The following ENTREP2 variants were observed in gnomAD, a reference collection of about 807,000 sequenced individuals.
ENTREP2 encodes protein ENTREP2.
the ENTREP2 span, among the ~76,000 whole-genome samples, chr15:29,657,445 A>T: frequency 8.9e-6 from 1 of 112,586 alleles, no homozygotes; most frequent in Non-Finnish European, 1.7e-5. Context: ...ACCACACAGA[A>T]GTGGACCCCT....
At chr15:29,205,994 C>G in the ENTREP2 span, among the ~76,000 whole-genome samples, 1 of 152,222 alleles carries the variant, frequency 6.6e-6, no homozygotes, top group East Asian at 1.9e-4. Context: ...ATGCCACTGT[C>G]CTGCAGCATC....
chr15:29,216,262 ATTGTT>A, the ENTREP2 span, among the ~76,000 whole-genome samples: 1 of 152,048 alleles, frequency 6.6e-6, no homozygotes, highest in Non-Finnish European at 1.5e-5. Context: ...TTGGCTGATA[ATTGTT>A]TTGTTTCAAG....
the ENTREP2 span, among the ~76,000 whole-genome samples, chr15:29,583,087 G>A: frequency 3.4e-4 from 52 of 152,136 alleles, no homozygotes; most frequent in Non-Finnish European, 6.9e-4. Flanking sequence ...TATTTTGGGG[G>A]ATCACGGCAA....
chr15:29,347,859 C>T, the ENTREP2 span, among the ~76,000 whole-genome samples: 4 of 152,170 alleles, frequency 2.6e-5, no homozygotes, highest in South Asian at 2.1e-4. Context: ...ACGGTATCTG[C>T]GAGGCAGAGG....
the ENTREP2 span, among the ~76,000 whole-genome samples, chr15:29,353,606 C>A: frequency 2.0e-5 from 3 of 152,164 alleles, no homozygotes; most frequent in African/African-American, 7.2e-5. Flanking sequence ...GACACAGTAG[C>A]TCATTTAGTC....
At chr15:29,133,930 CCTT>C in the ENTREP2 span, among the ~76,000 whole-genome samples, 4 of 152,070 alleles carry the variant, frequency 2.6e-5, no homozygotes, top group African/African-American at 7.2e-5. Flanking sequence ...CTGTGCCTGT[CCTT>C]CTTCCCTCTG....
chr15:29,487,600 C>T, the ENTREP2 span, among the ~76,000 whole-genome samples: 1 of 152,238 alleles, frequency 6.6e-6, no homozygotes, highest in Non-Finnish European at 1.5e-5. Flanking sequence ...TCTTGCAAAA[C>T]TCTACAGTCT....
At chr15:29,598,122 CA>C in the ENTREP2 span, among the ~76,000 whole-genome samples, 95,488 of 149,988 alleles carry the variant, frequency 0.64, 30,869 homozygotes, top group Non-Finnish European at 0.71. Flanking sequence ...ACCCCTGTCT[CA>C]AAAAAAAAAG....
chr15:29,134,759 C>T, the ENTREP2 span, among the ~76,000 whole-genome samples: 282 of 152,302 alleles, frequency 1.9e-3, 1 homozygote, highest in Non-Finnish European at 3.0e-3. Context: ...TCAGGGTCAG[C>T]GCTGCCTTGG....
the ENTREP2 span, among the ~76,000 whole-genome samples, chr15:29,160,809 C>T: frequency 2.0e-5 from 3 of 150,892 alleles, no homozygotes; most frequent in African/African-American, 7.3e-5. Flanking sequence ...CTAGTTCATT[C>T]AGTAGTTTTT....
At chr15:29,256,076 A>G in the ENTREP2 span, among the ~76,000 whole-genome samples, 2 of 152,046 alleles carry the variant, frequency 1.3e-5, no homozygotes, top group Non-Finnish European at 1.5e-5. Context: ...ATATTATATG[A>G]ATTAACACAA....
At chr15:29,470,952 G>C in the ENTREP2 span, among the ~76,000 whole-genome samples, 76,957 of 152,104 alleles carry the variant, frequency 0.51, 20,560 homozygotes, top group African/African-American at 0.7. Flanking sequence ...GATCTCACTA[G>C]ACCAACTCAA....
chr15:29,653,391 G>C, the ENTREP2 span, among the ~76,000 whole-genome samples: 1 of 152,100 alleles, frequency 6.6e-6, no homozygotes, highest in Non-Finnish European at 1.5e-5. Context: ...CTGGCTGACA[G>C]TACACTGATA....
At chr15:29,505,254 G>A in the ENTREP2 span, among the ~76,000 whole-genome samples, 26 of 152,330 alleles carry the variant, frequency 1.7e-4, no homozygotes, top group East Asian at 3.5e-3. This position sits in a 1 kb window ranked among gnomAD's most constrained non-coding sequence, Gnocchi z 4.3. Context: ...AGCAGCACCC[G>A]TCAGGGGCTT....
chr15:29,170,220 A>G, the ENTREP2 span, among the ~76,000 whole-genome samples: 1 of 148,856 alleles, frequency 6.7e-6, no homozygotes, highest in Non-Finnish European at 1.5e-5. Flanking sequence ...AGGCAGAAGA[A>G]TGGCGTGAAC....
chr15:29,196,408 A>T, the ENTREP2 span: 1 of 1,548,368 alleles, frequency 6.5e-7, no homozygotes, highest in Non-Finnish European at 8.7e-7. Context: ...ATGCATGCAC[A>T]AGCAGCGCCC....
the ENTREP2 span, among the ~76,000 whole-genome samples, chr15:29,545,821 G>A: frequency 0.38 from 57,978 of 151,892 alleles, 11,159 homozygotes; most frequent in East Asian, 0.41. Flanking sequence ...ACTATGGATA[G>A]GCAATGGAAA....
the ENTREP2 span, among the ~76,000 whole-genome samples, chr15:29,264,610 G>A: frequency 2.0e-5 from 3 of 152,148 alleles, no homozygotes; most frequent in Non-Finnish European, 4.4e-5. Context: ...GCTGAAGGAT[G>A]TTCTACAGAA....
At chr15:29,127,014 G>C in the ENTREP2 span, among the ~76,000 whole-genome samples, 2 of 152,184 alleles carry the variant, frequency 1.3e-5, no homozygotes, top group African/African-American at 2.4e-5. Context: ...CTTGCCCTGG[G>C]AACAAGCGGG....
Sources: allele counts gnomAD v4.1 joint callset (sites outside exome capture counted in the v4.1 genomes callset), GRCh38; gene constraint gnomAD v4.1.1; non-coding constraint Gnocchi (gnomAD v3.1); transcripts MANE v1.5; gene names NCBI Gene and HGNC (gene_info 2026-07-23, HGNC 2026-07-21).